AKAP13: variants seen among roughly 807,000 people sequenced by gnomAD.
The protein encoded by AKAP13 is A-kinase anchor protein 13.
AKAP13 carries 80 observed loss-of-function variants against 264.5 expected under a neutral mutation model. The ratio of observed to expected loss-of-function variants is 0.30; its 90% CI spans 0.25 to 0.36. The LOEUF (loss-of-function observed/expected upper bound fraction) is 0.36, where lower values mean the gene tolerates loss of function less well. Among genes scored for constraint, AKAP13 ranks in the 10% least tolerant of loss-of-function variants. The pLI is 1.00. For synonymous variants in AKAP13, 1,380 were observed against 1,250.2 expected, an observed-to-expected ratio of 1.10 and a Z score of -2.19; for missense variants, 3,712 against 3,435.2, an observed-to-expected ratio of 1.08 and a Z score of -2.01.
intron 3 of AKAP13, among the ~76,000 whole-genome samples, chr15:85,523,928 C>T (rs1426591963): frequency 6.6e-6 from 1 of 151,928 alleles, no homozygotes; most frequent in East Asian, 1.9e-4. Context: ...TTGATAGCCT[C>T]AGATTTCCTG....
chr15:85,730,823 A>C lies in AKAP13; in HGVS notation c.7282+116A>C, dbSNP rs2087947020. Reference sequence around the variant, plus strand: ...AAAGCACAAATGCAGAAAATTACCCAAAACAAATATTTCACTATAGTAAAT... The same window carrying C: ...AAAGCACAAATGCAGAAAATTACCCCAAACAAATATTTCACTATAGTAAAT... On this transcript the variant is annotated intron_variant, in intron 30 of 36. Coordinates refer to ENST00000394518, the MANE Select transcript of AKAP13 (RefSeq NM_007200.5). 19 of 895,038 alleles carry C rather than the reference A, an allele frequency of 2.1e-5. No homozygotes were observed. In the South Asian group the frequency reaches 3.3e-4, roughly 16 times the overall value. 55.4% of individuals were successfully genotyped at this position (895,038 alleles called of 1,614,324 possible).
At chr15:85,662,578 C>T in intron 12 of AKAP13, 1 of 1,055,420 alleles carries the variant, frequency 9.5e-7, no homozygotes. Flanking sequence ...TGTCTGTGAG[C>T]ACAGCATTTC....
intron 8 of AKAP13, among the ~76,000 whole-genome samples, chr15:85,616,699 T>G (rs1376891416): frequency 6.6e-6 from 1 of 152,252 alleles, no homozygotes; most frequent in Non-Finnish European, 1.5e-5. Flanking sequence ...ATGAAATGAT[T>G]GGTTGCTGTA....
chr15:85,545,653 G>A (rs1596485682), intron 5 of AKAP13, among the ~76,000 whole-genome samples: 1 of 152,128 alleles, frequency 6.6e-6, no homozygotes, highest in African/African-American at 2.4e-5. Flanking sequence ...GGATGTTACT[G>A]TTGTGAAGCT....
At chr15:85,421,458 AG>A (rs765862376) in intron 1 of AKAP13, among the ~76,000 whole-genome samples, 5 of 152,278 alleles carry the variant, frequency 3.3e-5, no homozygotes, top group South Asian at 2.1e-4. Flanking sequence ...ATTAGAGCAC[AG>A]GAAGTGGAAT....
At chr15:85,509,997 C>G (rs2151117772) in intron 2 of AKAP13, among the ~76,000 whole-genome samples, 1 of 152,312 alleles carries the variant, frequency 6.6e-6, no homozygotes, top group East Asian at 1.9e-4. Context: ...TTCCAGGTGA[C>G]CTGTGTTTGA....
intron 14 of AKAP13, among the ~76,000 whole-genome samples, chr15:85,671,261 A>C (rs1034661302): frequency 6.6e-6 from 1 of 151,934 alleles, no homozygotes; most frequent in Non-Finnish European, 1.5e-5. Flanking sequence ...AAATTTTCAC[A>C]GTGGAATTAA....
rs188342563 is a variant in AKAP13, at chr15:85,556,954, C to T, written c.662+12999C>T. 2.6e-5 allele frequency among the ~76,000 whole-genome samples: 4 copies of T among 152,292 alleles called. No homozygotes were observed. In the East Asian group the frequency reaches 5.8e-4, roughly 22 times the overall value. ...TACATACAGAGTAAATAAAAATTCT[C>T]TACACAATTTTGCTGTAAACGTCTT... On this transcript the variant is annotated intron_variant, in intron 5 of 36. Coordinates refer to ENST00000394518, the MANE Select transcript of AKAP13 (RefSeq NM_007200.5).
At position 85,664,577 on chromosome 15, in the gene AKAP13, G is replaced by C. The variant is rs760185045; in HGVS notation, c.4814G>C (p.Gly1605Ala). Residue 1605 changes from glycine to alanine, a missense_variant, in exon 13 of 37, where the codon GGC becomes GCC. Around this residue, in one of 3 missense-constraint regions of AKAP13, gnomAD observed 2,759 missense variants for 2,411.7 expected, o/e 1.14. Coordinates refer to ENST00000394518, the MANE Select transcript of AKAP13 (RefSeq NM_007200.5). ...CCTATGTTCAGTTTCAGTCTAGAAGGCTTGACAGGAGGAGCTGGTGTCGGA... is the reference window on the plus strand; with the variant it reads ...CCTATGTTCAGTTTCAGTCTAGAAGCCTTGACAGGAGGAGCTGGTGTCGGA... ...PIHRRSFSLE[G>A]LTGGAGVGNK... 3.7e-6 allele frequency: 6 copies of C among 1,612,408 alleles called. No individual in the cohort carries two copies. In the Admixed American group the frequency reaches 5.0e-5, roughly 13 times the overall value.
intron 1 of AKAP13, among the ~76,000 whole-genome samples, chr15:85,448,930 T>G (rs548119658): frequency 2.6e-5 from 4 of 151,928 alleles, no homozygotes; most frequent in South Asian, 4.2e-4. Context: ...TTTTTCTAGT[T>G]CTGTGAAGAA....
chr15:85,646,074 A>C, intron 10 of AKAP13, 120 bp downstream of exon 10: 1 of 1,253,462 alleles, frequency 8.0e-7, no homozygotes, highest in Non-Finnish European at 1.1e-6. Flanking sequence ...TAAATATGTA[A>C]CTCCTGCTAG....
At chr15:85,595,488 G>C (rs2079778643) in intron 8 of AKAP13, among the ~76,000 whole-genome samples, 2 of 152,122 alleles carry the variant, frequency 1.3e-5, no homozygotes, top group Non-Finnish European at 2.9e-5. Flanking sequence ...AACATATACA[G>C]ATATAATCAC....
intron 2 of AKAP13, chr15:85,520,522 A>G (rs922041252): frequency 2.3e-5 from 7 of 308,716 alleles, no homozygotes; most frequent in African/African-American, 9.7e-5. Context: ...AAAAAAAAAA[A>G]GCAACTGAAA....
At position 85,581,256 on chromosome 15, in the gene AKAP13, C is replaced by G. The variant is rs781262112; in HGVS notation, c.3188C>G (p.Ser1063Cys). The G allele has an allele frequency of 6.2e-7, 1 of 1,614,186 alleles. No individual in the cohort carries two copies. Among genetic ancestry groups the G allele is most frequent in the Non-Finnish European group, 8.5e-7 (1 of 1,180,016 alleles). Reference sequence around the variant, plus strand: ...GATGCTCTTAACTGCAGTCAGCCTTCTCCTCTGGATGTTGGAGTGAAGAAC... The same window carrying G: ...GATGCTCTTAACTGCAGTCAGCCTTGTCCTCTGGATGTTGGAGTGAAGAAC... ...GSDALNCSQP[S>C]PLDVGVKNTQ... Residue 1063 changes from serine to cysteine, a missense_variant, in exon 7 of 37, where the codon TCT becomes TGT. This residue lies in a region of AKAP13 where 2,759 missense variants were observed against 2,411.7 expected (regional missense o/e 1.14). Coordinates refer to ENST00000394518, the MANE Select transcript of AKAP13 (RefSeq NM_007200.5).
chr15:85,744,050 A>AT, intron 36 of AKAP13: 1 of 556,386 alleles, frequency 1.8e-6, no homozygotes, highest in Middle Eastern at 4.8e-4. Context: ...CATGGGTTTC[A>AT]TTTTCAAGGC....
Position 85,543,921 on chromosome 15 carries a change from C to G in AKAP13, c.628C>G (p.Arg210Gly), listed in dbSNP as rs772933404. ...GACGCCTGTGAGCTTGGCCTTGGAG[C>G]GAGGCTATCACAAGCTGCACCAGCT... ...GATPVSLALE[R>G]GYHKLHQLLT... is the part of the protein sequence containing the mutation. Residue 210 changes from arginine (R) to glycine (G), a missense_variant, in exon 5 of 37, where the codon CGA becomes GGA. Around this residue, in one of 3 missense-constraint regions of AKAP13, gnomAD observed 2,759 missense variants for 2,411.7 expected, o/e 1.14. Transcript: ENST00000394518. 1.2e-6 allele frequency: 2 copies of G among 1,613,622 alleles called. No individual in the cohort carries two copies. Among genetic ancestry groups the G allele is most frequent in the Non-Finnish European group, 1.7e-6 (2 of 1,179,684 alleles).
intron 4 of AKAP13, among the ~76,000 whole-genome samples, chr15:85,539,510 G>A (rs1470351939): frequency 6.6e-6 from 1 of 152,162 alleles, no homozygotes; most frequent in African/African-American, 2.4e-5. Context: ...CTTGCTGGGG[G>A]GATTGATGGG....
At chr15:85,606,090 CTTTTTTTTT>C (rs369008646) in intron 8 of AKAP13, among the ~76,000 whole-genome samples, 5 of 88,368 alleles carry the variant, frequency 5.7e-5, no homozygotes, top group East Asian at 5.3e-4. Flanking sequence ...GTTTGATCTA[CTTTTTTTTT>C]TTTTTTTTTT....
rs185414177 is a variant in AKAP13 at position 85,493,661 on chromosome 15, G to A, written c.33+7908G>A. On this transcript the variant is annotated intron_variant, in intron 2 of 36. Transcript: ENST00000394518. ...CTGAATTATCTTAGTTCTTTTGGGA[G>A]TTATAATCTGAGCCATTTGTTTATA... Among the ~76,000 whole-genome samples the A allele has an allele frequency of 1.3e-4, 20 of 152,250 alleles. 1 individual carries two copies. Among genetic ancestry groups the A allele is most frequent in the Admixed American group, 4.6e-4 (7 of 15,294 alleles).
Sources: gnomAD v4.1 joint callset for allele counts (sites outside exome capture counted in the v4.1 genomes callset) on GRCh38, gnomAD v4.1.1 for gene constraint, gnomAD v4.1.1 regional missense constraint, MANE v1.5 for transcripts, NCBI Gene and HGNC (gene_info 2026-07-23, HGNC 2026-07-21) for gene names.